The following RSPH14 variants were observed in gnomAD, a reference collection of about 807,000 sequenced individuals.
RSPH14 encodes the protein rhabdoid tumor deletion region gene 1.
A neutral mutation model predicts 26.7 loss-of-function variants in RSPH14; 20 were observed. The observed-to-expected ratio is 0.75, with a 90% CI of 0.53 to 1.09. The LOEUF is 1.09. RSPH14 is among the 50% of genes least tolerant of loss of function. The pLI is 0.00. For missense variants in RSPH14, 449 were observed against 457.2 expected, an observed-to-expected ratio of 0.98 and a Z score of 0.16; for synonymous variants, 177 against 189.3, an observed-to-expected ratio of 0.93 and a Z score of 0.53.
intron 4 of RSPH14, chr22:23,125,156 C>A (rs1445273994): frequency 6.6e-6 from 1 of 152,206 alleles, no homozygotes; most frequent in Admixed American, 6.5e-5. Context: ...ACCCCTATAC[C>A]TCCACACATT....
chr22:23,138,922 C>A lies in RSPH14; in HGVS notation c.220G>T (p.Ala74Ser), dbSNP rs755763654. Residue 74 changes from alanine to serine, a missense_variant, in exon 3 of 7, where the codon GCT becomes TCT. Coordinates refer to ENST00000216036, the MANE Select transcript of RSPH14 (RefSeq NM_014433.3). ...ATACTGTTGCTATCCTTCAGCAAAG[C>A]TTTCAGGTTCTCCATACAGCCTAGA... is the stretch of plus-strand genomic sequence containing the variant. Reference protein sequence around the residue: ...MNIGCMENLKALLKDSNSMVR... With the variant: ...MNIGCMENLKSLLKDSNSMVR... 2 of 1,540,392 alleles carry A rather than the reference C, an allele frequency of 1.3e-6. No individual in the cohort carries two copies. Among genetic ancestry groups the A allele is most frequent in the South Asian group, 2.4e-5 (2 of 83,664 alleles).
the RSPH14 span, among the ~76,000 whole-genome samples, chr22:23,176,986 G>A: frequency 6.6e-6 from 1 of 152,262 alleles, no homozygotes; most frequent in South Asian, 2.1e-4. Context: ...ACAGATTACA[G>A]AACATGCCCA....
chr22:23,125,529 A>G (rs2070162358), intron 4 of RSPH14, among the ~76,000 whole-genome samples: 1 of 152,198 alleles, frequency 6.6e-6, no homozygotes, highest in South Asian at 2.1e-4. Flanking sequence ...TTGTGTGGTT[A>G]GAGGTATCTG....
the RSPH14 span, among the ~76,000 whole-genome samples, chr22:23,169,900 C>T: frequency 1.3e-5 from 2 of 151,884 alleles, no homozygotes; most frequent in Non-Finnish European, 2.9e-5. Context: ...CTCAGGAATT[C>T]GAGAACAGGG....
chr22:23,095,909 C>G, intron 4 of RSPH14: 2 of 1,613,766 alleles, frequency 1.2e-6, no homozygotes, highest in Non-Finnish European at 1.7e-6. Context: ...GTACAAGCCC[C>G]TCATCATCTA....
At chr22:23,138,418 G>T (rs1213156798) in intron 3 of RSPH14, among the ~76,000 whole-genome samples, 3 of 152,028 alleles carry the variant, frequency 2.0e-5, no homozygotes, top group Admixed American at 2.0e-4. Context: ...AAAATTAGCT[G>T]AGCGTGATGA....
At chr22:23,080,788 CAG>C (rs1470818884) in intron 4 of RSPH14, among the ~76,000 whole-genome samples, 32 of 152,354 alleles carry the variant, frequency 2.1e-4, no homozygotes, top group African/African-American at 7.2e-4. Context: ...AAATGAAATG[CAG>C]AGTCATTTAC....
At chr22:23,161,765 G>T in the RSPH14 span, 8 of 565,394 alleles carry the variant, frequency 1.4e-5, no homozygotes, top group Admixed American at 9.4e-5. Flanking sequence ...ACTAGAAAAG[G>T]CCCCCACTGG....
At chr22:23,140,536 C>T (rs2070577720) in intron 1 of RSPH14, 64 bp from the exon 2 acceptor site, 1 of 1,467,798 alleles carries the variant, frequency 6.8e-7, no homozygotes, top group Non-Finnish European at 9.0e-7. Flanking sequence ...CTCATCTGAT[C>T]CTCCAAACTG....
intron 4 of RSPH14, among the ~76,000 whole-genome samples, chr22:23,083,299 A>T (rs1360385334): frequency 6.6e-6 from 1 of 151,962 alleles, no homozygotes; most frequent in South Asian, 2.1e-4. Context: ...AATCCAGTAG[A>T]GCTGGCCCAC....
At chr22:23,121,533 A>T (rs1008817212) in intron 4 of RSPH14, among the ~76,000 whole-genome samples, 4 of 152,104 alleles carry the variant, frequency 2.6e-5, no homozygotes, top group Non-Finnish European at 4.4e-5. Flanking sequence ...CAGTTTCTTC[A>T]TCTGTAAAAC....
rs1453502003 is a variant in RSPH14, at chr22:23,059,554, T to C, written c.955A>G (p.Met319Val). 3 of 1,614,178 alleles carry C rather than the reference T, an allele frequency of 1.9e-6. No homozygotes were observed. Among genetic ancestry groups the C allele is most frequent in the African/African-American group, 1.3e-5 (1 of 75,056 alleles). Reference sequence around the variant, plus strand: ...GGCTTTTCGTAAGTCTCCACCTCCATGGCACGGAAAGTGGGCACGTGCGTC... The same window carrying C: ...GGCTTTTCGTAAGTCTCCACCTCCACGGCACGGAAAGTGGGCACGTGCGTC... ...LQTHVPTFRA[M>V]EVETYEKPQV... The change falls in exon 7 of 7, where the codon ATG becomes GTG. Residue 319 changes from methionine (M) to valine (V), a missense_variant. Physicochemically the swap from Met to Val is conservative, Grantham distance 21. Coordinates refer to ENST00000216036, the MANE Select transcript of RSPH14 (RefSeq NM_014433.3).
chr22:23,095,616 C>T (rs1451400524), intron 4 of RSPH14: 4 of 1,481,806 alleles, frequency 2.7e-6, no homozygotes, highest in African/African-American at 2.8e-5. Context: ...CTCTTGTCTG[C>T]CTGGTCTCAG....
intron 3 of RSPH14, among the ~76,000 whole-genome samples, chr22:23,134,548 C>CAAAA (rs59412175): frequency 2.4e-4 from 21 of 86,102 alleles, no homozygotes; most frequent in African/African-American, 6.4e-4. Flanking sequence ...AACTCCCAAC[C>CAAAA]AAAAAAAAAA....
In RSPH14 at chr22:23,071,375, G is replaced by A. The variant is rs992224139; in HGVS notation, c.422-7242C>T. ...GGGCTCCTGTTAACTGAGACAAGAG[G>A]ATGATGCCAAGCGAGACCAGCGTTC... On this transcript the variant is annotated intron_variant, in intron 4 of 6. Coordinates refer to ENST00000216036, the MANE Select transcript of RSPH14 (RefSeq NM_014433.3). The surrounding 1 kb of genome is among the most constrained non-coding windows in gnomAD (Gnocchi z 4.1). Among the ~76,000 whole-genome samples the A allele has an allele frequency of 2.0e-5, 3 of 152,180 alleles. No individual in the cohort carries two copies. The highest frequency in any genetic ancestry group is 4.4e-5 in the Non-Finnish European group (3 of 68,030).
chr22:23,073,875 T>C (rs1315725237), intron 4 of RSPH14, among the ~76,000 whole-genome samples: 2 of 151,282 alleles, frequency 1.3e-5, no homozygotes, highest in African/African-American at 4.9e-5. Flanking sequence ...GTAACACATG[T>C]TACTAAGTGC....
chr22:23,127,610 C>CACTA (rs2146417537), intron 4 of RSPH14, among the ~76,000 whole-genome samples: 1 of 152,290 alleles, frequency 6.6e-6, no homozygotes, highest in African/African-American at 2.4e-5. Flanking sequence ...CACCCAAGGC[C>CACTA]ACTAGCCTGG....
chr22:23,086,717 C>G (rs1202786192), intron 4 of RSPH14, among the ~76,000 whole-genome samples: 2 of 152,242 alleles, frequency 1.3e-5, no homozygotes, highest in Non-Finnish European at 2.9e-5. Context: ...GACACTGGAC[C>G]ATGACCAGAC....
intron 4 of RSPH14, among the ~76,000 whole-genome samples, chr22:23,118,177 G>A (rs1448074817): frequency 1.3e-5 from 2 of 152,318 alleles, no homozygotes; most frequent in East Asian, 3.9e-4. Context: ...GCCAGGAAAT[G>A]ACTTCCACAC....
Sources: allele counts gnomAD v4.1 joint callset (sites outside exome capture counted in the v4.1 genomes callset), GRCh38; gene constraint gnomAD v4.1.1; non-coding constraint Gnocchi (gnomAD v3.1); transcripts MANE v1.5; gene names NCBI Gene and HGNC (gene_info 2026-07-23, HGNC 2026-07-21).